The following ZCCHC24 variants were observed in gnomAD, a reference collection of about 807,000 sequenced individuals.
ZCCHC24 encodes zinc finger CCHC domain-containing protein 24.
Under a neutral mutation model 26.2 loss-of-function variants are expected in ZCCHC24, and 10 were observed. The observed-to-expected ratio is 0.38, with a 90% confidence interval of 0.24 to 0.65. ZCCHC24 has a LOEUF of 0.65. Ranked by LOEUF, ZCCHC24 falls within the 30% of genes least tolerant of loss-of-function variation. The pLI is 0.54. For missense variants in ZCCHC24, 243 were observed against 329.1 expected (o/e 0.74, Z 2.03); for synonymous variants, 144 against 147.1 (o/e 0.98, Z 0.15).
At position 79,414,388 on chromosome 10, in the gene ZCCHC24, T is replaced by G. The variant is rs568485385; in HGVS notation, c.447+18170A>C. On this transcript the variant is annotated intron_variant, in intron 2 of 3. Transcript: ENST00000372336. ...ACGGAAGGTTTCAGAAGCACGTACT[T>G]GAGGTATACAGAATGATTATAGAAT... 2.6e-5 allele frequency among the ~76,000 whole-genome samples: 4 copies of G among 152,328 alleles called. No homozygotes were observed. In the South Asian group the frequency reaches 8.3e-4, roughly 32 times the overall value.
chr10:79,445,402 C>G lies in ZCCHC24; in HGVS notation c.39G>C (p.Ser13=), dbSNP rs768352418. 6.7e-7 allele frequency: 1 copy of G among 1,499,534 alleles called. No homozygotes were observed. Among genetic ancestry groups the G allele is most frequent in the Non-Finnish European group, 8.9e-7 (1 of 1,122,488 alleles). 92.9% of individuals were successfully genotyped at this position (1,499,534 alleles called of 1,614,324 possible). ...TGAGCAGCTGGGCGGGCTGGTACACCGAGGCGGCGCTCGTGTCGATGGCCG... is the reference window on the plus strand; with the variant it reads ...TGAGCAGCTGGGCGGGCTGGTACACGGAGGCGGCGCTCGTGTCGATGGCCG... ...LLSAIDTSAA[S]VYQPAQLLNW... is the part of the protein sequence containing the mutation. Residue 13 remains serine, a synonymous_variant, in exon 1 of 4, where the codon TCG becomes TCC. Transcript: ENST00000372336.
intron 2 of ZCCHC24, among the ~76,000 whole-genome samples, chr10:79,409,767 G>A (rs1856766298): frequency 6.6e-6 from 1 of 152,228 alleles, no homozygotes; most frequent in Admixed American, 6.5e-5. Context: ...GTCCCTCCCT[G>A]AGCAGGCCAG....
At chr10:79,419,438 G>A (rs1013431979) in intron 2 of ZCCHC24, among the ~76,000 whole-genome samples, 2 of 152,234 alleles carry the variant, frequency 1.3e-5, no homozygotes, top group Non-Finnish European at 2.9e-5. Flanking sequence ...CCAGCTCAGT[G>A]AGACTCCGCT....
At chr10:79,417,800 C>G (rs1170240672) in intron 2 of ZCCHC24, among the ~76,000 whole-genome samples, 1 of 152,212 alleles carries the variant, frequency 6.6e-6, no homozygotes, top group Non-Finnish European at 1.5e-5. Context: ...ACATTTCTTC[C>G]CTGCACCTGC....
At chr10:79,406,048 C>T (rs1420750007) in intron 2 of ZCCHC24, among the ~76,000 whole-genome samples, 2 of 152,240 alleles carry the variant, frequency 1.3e-5, no homozygotes, top group Admixed American at 6.5e-5. Flanking sequence ...CTGGAGCTCA[C>T]AGCACTTAGG....
At chr10:79,405,813 A>G (rs1177852440) in intron 2 of ZCCHC24, among the ~76,000 whole-genome samples, 3 of 152,230 alleles carry the variant, frequency 2.0e-5, no homozygotes, top group Non-Finnish European at 4.4e-5. Flanking sequence ...GCCAAGTGCC[A>G]GAAAAGAAAT....
rs1260424825 is a variant in ZCCHC24 at position 79,385,353 on chromosome 10, G to A, written c.*992C>T. The A allele has an allele frequency of 6.6e-6, 1 of 152,266 alleles. No homozygotes were observed. The highest frequency in any genetic ancestry group is 1.5e-5 in the Non-Finnish European group (1 of 68,074). The allele number at this position is 152,266 out of a possible 1,614,324, so 9.4% of individuals were successfully genotyped here. A position where few individuals can be genotyped will look rare whatever the true frequency, so the allele number is the denominator to read the frequency against. Reference sequence around the variant, plus strand: ...AATCCCAGAACAACAGAGCTGAAATGGGCCCTCTGCTCTCTAGTGTTATGC... The same window carrying A: ...AATCCCAGAACAACAGAGCTGAAATAGGCCCTCTGCTCTCTAGTGTTATGC... On this transcript the variant is annotated 3_prime_UTR_variant, in exon 4 of 4. Transcript: ENST00000372336. This position sits in a 1 kb window ranked among gnomAD's most constrained non-coding sequence, Gnocchi z 4.3.
intron 1 of ZCCHC24, among the ~76,000 whole-genome samples, chr10:79,436,382 T>C (rs1049635425): frequency 6.6e-5 from 10 of 152,084 alleles, no homozygotes; most frequent in African/African-American, 2.4e-4. Flanking sequence ...AGGAAAAGCA[T>C]GAAAAGCACA....
chr10:79,398,098 C>T (rs928612760), intron 2 of ZCCHC24, among the ~76,000 whole-genome samples: 1 of 152,344 alleles, frequency 6.6e-6, no homozygotes. Context: ...GGATGGGGCC[C>T]CAGCCTCCTG....
intron 2 of ZCCHC24, chr10:79,403,332 A>G (rs946001885): frequency 2.9e-5 from 27 of 934,958 alleles, no homozygotes; most frequent in Middle Eastern, 5.5e-4. Flanking sequence ...CAGGGGCAGC[A>G]AGTCTGCCAA....
chr10:79,393,643 C>T (rs1437044034), intron 3 of ZCCHC24, among the ~76,000 whole-genome samples: 1 of 152,232 alleles, frequency 6.6e-6, no homozygotes, highest in Non-Finnish European at 1.5e-5. Flanking sequence ...GCCCCCAGGG[C>T]TCTGTGACTG....
intron 2 of ZCCHC24, among the ~76,000 whole-genome samples, chr10:79,406,822 T>C (rs2132190500): frequency 6.6e-6 from 1 of 152,326 alleles, no homozygotes; most frequent in South Asian, 2.1e-4. Context: ...CCTTGAGCTC[T>C]GACCTCCTTG....
At chr10:79,431,021 GT>G (rs1363765274) in intron 2 of ZCCHC24, among the ~76,000 whole-genome samples, 1 of 152,230 alleles carries the variant, frequency 6.6e-6, no homozygotes, top group African/African-American at 2.4e-5. Flanking sequence ...ACATAGAGTA[GT>G]TTCATTAAAT....
intron 1 of ZCCHC24, among the ~76,000 whole-genome samples, chr10:79,442,624 T>C (rs1453634876): frequency 1.3e-5 from 2 of 152,210 alleles, no homozygotes; most frequent in African/African-American, 4.8e-5. Context: ...CCACTGGGCC[T>C]GCCAGGCCTC....
Position 79,423,031 on chromosome 10 carries a change from C to T in ZCCHC24, c.447+9527G>A, listed in dbSNP as rs766799354. Among the ~76,000 whole-genome samples the T allele has an allele frequency of 2.0e-5, 3 of 152,268 alleles. No homozygotes were observed. In the South Asian group the frequency reaches 6.2e-4, roughly 32 times the overall value. On this transcript the variant is annotated intron_variant, in intron 2 of 3. Transcript: ENST00000372336. ...TCCTTTGACCTCAACAAGATATCAC[C>T]CACGTCAACATCAGGATCCTTACTG... is the stretch of plus-strand genomic sequence containing the variant.
rs112508861 is a variant in ZCCHC24, at chr10:79,384,590, T to G, written c.*1755A>C. The G allele has an allele frequency of 0.022, 3,295 of 152,588 alleles. 50 individuals are homozygous for G. The highest frequency in any genetic ancestry group is 0.034 in the Non-Finnish European group (2,335 of 68,034). 9.5% of individuals were successfully genotyped at this position (152,588 alleles called of 1,614,324 possible). On this transcript the variant is annotated 3_prime_UTR_variant, in exon 4 of 4. Transcript: ENST00000372336. ...TGCCTGGCCTGGAGCAAATACCTTTTTTAAGTGCTCAGAGGGTATGGCCCC... is the reference window on the plus strand; with the variant it reads ...TGCCTGGCCTGGAGCAAATACCTTTGTTAAGTGCTCAGAGGGTATGGCCCC...
chr10:79,441,116 A>ACACACACACACACACACACC (rs377457574), intron 1 of ZCCHC24, among the ~76,000 whole-genome samples: 1 of 148,792 alleles, frequency 6.7e-6, no homozygotes, highest in African/African-American at 2.5e-5. Context: ...ACACACACAC[A>ACACACACACACACACACACC]CCACAAAGGC....
intron 1 of ZCCHC24, among the ~76,000 whole-genome samples, chr10:79,437,482 T>C (rs1857231604): frequency 6.6e-6 from 1 of 152,246 alleles, no homozygotes; most frequent in Non-Finnish European, 1.5e-5. Flanking sequence ...AGCTAGAAAC[T>C]GAGGCTCAGA....
intron 2 of ZCCHC24, among the ~76,000 whole-genome samples, chr10:79,419,664 G>A (rs1408473527): frequency 6.6e-6 from 1 of 152,196 alleles, no homozygotes; most frequent in Admixed American, 6.5e-5. Flanking sequence ...TTCAGAGGAG[G>A]CCAGTCCCTC....
Sources: gnomAD v4.1 joint callset for allele counts (sites outside exome capture counted in the v4.1 genomes callset) on GRCh38, gnomAD v4.1.1 for gene constraint, Gnocchi (gnomAD v3.1) non-coding constraint, MANE v1.5 for transcripts, NCBI Gene and HGNC (gene_info 2026-07-23, HGNC 2026-07-21) for gene names.